DLGAP2: variants seen among roughly 807,000 people sequenced by gnomAD.
DLGAP2 encodes the protein disks large-associated protein 2.
Under a neutral mutation model 100.3 loss-of-function variants are expected in DLGAP2, and 26 were observed. The observed-to-expected ratio is 0.26, with a 90% CI of 0.19 to 0.36. DLGAP2 has a LOEUF of 0.36. DLGAP2 is among the 10% of genes least tolerant of loss of function. The probability of loss-of-function intolerance (pLI) is 1.00; values close to 1 mark genes in which losing one functional copy is unlikely to be tolerated. For synonymous variants in DLGAP2, 886 were observed against 630.1 expected (o/e 1.41, Z -6.08); for missense variants, 1,858 against 1,453.2 (o/e 1.28, Z -4.53).
chr8:1,448,600 G>C (rs138984680), intron 3 of DLGAP2, among the ~76,000 whole-genome samples: 14 of 152,184 alleles, frequency 9.2e-5, no homozygotes, highest in South Asian at 2.1e-4. Context: ...ATGTCTATTA[G>C]GTCCACTTGC....
At chr8:1,261,473 G>T (rs1165536712) in intron 3 of DLGAP2, among the ~76,000 whole-genome samples, 1 of 150,250 alleles carries the variant, frequency 6.7e-6, no homozygotes. Context: ...TTTAAAACGA[G>T]ACAGACTGTA....
intron 4 of DLGAP2, among the ~76,000 whole-genome samples, chr8:1,504,270 TAA>T (rs2130336799): frequency 6.6e-6 from 1 of 152,320 alleles, no homozygotes; most frequent in African/African-American, 2.4e-5. Context: ...CTAGCTTTAT[TAA>T]GTTATATTCA....
intron 3 of DLGAP2, among the ~76,000 whole-genome samples, chr8:1,437,813 CAAAAAAAAAAA>C (rs59165125): frequency 1.6e-4 from 14 of 85,234 alleles, no homozygotes; most frequent in African/African-American, 4.4e-4. Flanking sequence ...ACTAAAAATA[CAAAAAAAAAAA>C]AAAAAAAAAA....
At chr8:1,251,202 G>T (rs1486293553) in intron 2 of DLGAP2, among the ~76,000 whole-genome samples, 2 of 152,036 alleles carry the variant, frequency 1.3e-5, no homozygotes, top group African/African-American at 4.8e-5. Context: ...CTGTCATCCT[G>T]GGCTTTTACT....
chr8:1,164,184 TGGGGA>T lies in DLGAP2; in HGVS notation c.74-94666_74-94662del, dbSNP rs1563224203. On this transcript the variant is annotated intron_variant, in intron 2 of 14. Transcript: ENST00000637795. ...CCCCAGGGCCCGTCATTTTGGTTTG[TGGGGA>T]TTTTTCTGTGAGCCCCCAGGGCCCG... 3.5e-4 allele frequency among the ~76,000 whole-genome samples: 32 copies of T among 90,966 alleles called. 1 individual carries two copies. The highest frequency in any genetic ancestry group is 1.3e-3 in the African/African-American group (31 of 24,292). 59.7% of individuals were successfully genotyped at this position (90,966 alleles called of 152,430 possible). A position where few individuals can be genotyped will look rare whatever the true frequency, so the allele number is the denominator to read the frequency against.
intron 3 of DLGAP2, among the ~76,000 whole-genome samples, chr8:1,370,711 C>A (rs1278130038): frequency 6.6e-6 from 1 of 152,210 alleles, no homozygotes; most frequent in African/African-American, 2.4e-5. Flanking sequence ...TCCACTCTTG[C>A]ATTCTCTTTC....
chr8:849,862 C>T (rs112792309), intron 1 of DLGAP2, among the ~76,000 whole-genome samples: 1 of 151,984 alleles, frequency 6.6e-6, no homozygotes, highest in East Asian at 1.9e-4. Context: ...CCAGGAGTTC[C>T]AAACCAGCCT....
At chr8:1,684,036 C>A (rs150622240) in intron 12 of DLGAP2, among the ~76,000 whole-genome samples, 2,619 of 145,036 alleles carry the variant, frequency 0.018, 136 homozygotes, top group African/African-American at 0.064. Context: ...GGCTGGAGCG[C>A]AGTGGCGCGA....
chr8:1,664,860 G>T (rs975714700), intron 8 of DLGAP2, among the ~76,000 whole-genome samples: 4 of 152,176 alleles, frequency 2.6e-5, no homozygotes, highest in African/African-American at 7.2e-5. Flanking sequence ...AACCTGGCAG[G>T]CATGTGCACA....
intron 6 of DLGAP2, among the ~76,000 whole-genome samples, chr8:1,622,586 G>T (rs1008551324): frequency 6.6e-6 from 1 of 152,226 alleles, no homozygotes; most frequent in African/African-American, 2.4e-5. Flanking sequence ...CTGCAGTTCT[G>T]TCTTGGGGTT....
chr8:763,437 T>G (rs1297672110), intron 1 of DLGAP2, among the ~76,000 whole-genome samples: 1 of 152,242 alleles, frequency 6.6e-6, no homozygotes, highest in Non-Finnish European at 1.5e-5. Flanking sequence ...GCTCTTCTGC[T>G]GTTAGAAGTT....
intron 3 of DLGAP2, among the ~76,000 whole-genome samples, chr8:1,430,984 C>T (rs7827557): frequency 0.21 from 32,298 of 152,198 alleles, 3,846 homozygotes; most frequent in Middle Eastern, 0.29. Context: ...TTCAAGTCTC[C>T]TATTTACAAG....
intron 2 of DLGAP2, among the ~76,000 whole-genome samples, chr8:1,238,186 G>C (rs1177434923): frequency 2.9e-5 from 1 of 34,480 alleles, no homozygotes; most frequent in East Asian, 8.5e-4. Context: ...CTCTCACACA[G>C]AGCATCATGT....
chr8:938,486 C>A (rs1232095692), intron 2 of DLGAP2, among the ~76,000 whole-genome samples: 1 of 152,186 alleles, frequency 6.6e-6, no homozygotes, highest in East Asian at 1.9e-4. Context: ...CCTGAGCAGG[C>A]TGTAGTGGAT....
intron 2 of DLGAP2, among the ~76,000 whole-genome samples, chr8:1,009,712 C>T (rs1342110977): frequency 2.6e-5 from 4 of 152,184 alleles, no homozygotes; most frequent in Non-Finnish European, 4.4e-5. Flanking sequence ...GGAACCTTTT[C>T]CTTTCACCTG....
At chr8:1,550,685 A>T (rs575785028) in intron 5 of DLGAP2, among the ~76,000 whole-genome samples, 1 of 152,346 alleles carries the variant, frequency 6.6e-6, no homozygotes, top group Admixed American at 6.5e-5. Context: ...CAAAGAAGGT[A>T]GATCCCTAGA....
intron 3 of DLGAP2, among the ~76,000 whole-genome samples, chr8:1,291,017 G>T (rs1249186816): frequency 5.9e-5 from 9 of 152,098 alleles, no homozygotes; most frequent in Admixed American, 5.2e-4. Context: ...ACTAAAAGGA[G>T]TTCTAAAGCT....
chr8:1,233,045 T>C (rs1798570415), intron 2 of DLGAP2, among the ~76,000 whole-genome samples: 1 of 152,206 alleles, frequency 6.6e-6, no homozygotes, highest in Admixed American at 6.5e-5. Context: ...CGGAATTTTG[T>C]GCCTGGTTTC....
chr8:1,243,527 T>C (rs1798842430), intron 2 of DLGAP2, among the ~76,000 whole-genome samples: 1 of 152,210 alleles, frequency 6.6e-6, no homozygotes, highest in South Asian at 2.1e-4. Context: ...TTTCATGTTA[T>C]TCTCGTTTCC....
Sources: allele counts gnomAD v4.1 joint callset (sites outside exome capture counted in the v4.1 genomes callset), GRCh38; gene constraint gnomAD v4.1.1; transcripts MANE v1.5; gene names NCBI Gene and HGNC (gene_info 2026-07-23, HGNC 2026-07-21).